Variants in COBLL1 observed in about 807,000 individuals in gnomAD.
The protein encoded by COBLL1 is cordon-bleu protein-like 1.
A neutral mutation model predicts 94.8 loss-of-function variants in COBLL1; 50 were observed. The ratio of observed to expected loss-of-function variants is 0.53; its 90% CI spans 0.42 to 0.67. The LOEUF is 0.67. Ranked by LOEUF, COBLL1 falls within the 30% of genes least tolerant of loss-of-function variation. The probability of loss-of-function intolerance (pLI) is 0.00; values close to 1 mark genes in which losing one functional copy is unlikely to be tolerated. For missense variants in COBLL1, 1,362 were observed against 1,348.7 expected (o/e 1.01, Z -0.15); for synonymous variants, 448 against 473.8 (o/e 0.95, Z 0.71).
At chr2:164,783,337 T>C (rs355901) in intron 2 of COBLL1, among the ~76,000 whole-genome samples, 104,414 of 152,098 alleles carry the variant, frequency 0.69, 37,626 homozygotes, top group African/African-American at 0.92. Context: ...CACTTGAGCC[T>C]GGGAGGTCAA....
chr2:164,719,314 A>C (rs1360966291), intron 7 of COBLL1, among the ~76,000 whole-genome samples: 1 of 152,226 alleles, frequency 6.6e-6, no homozygotes, highest in Non-Finnish European at 1.5e-5. Context: ...CTGTGAATTC[A>C]AATTGCAACT....
intron 7 of COBLL1, among the ~76,000 whole-genome samples, chr2:164,709,580 T>C (rs1013139850): frequency 9.2e-5 from 14 of 152,092 alleles, no homozygotes; most frequent in African/African-American, 3.4e-4. Flanking sequence ...TAGCCGGGTA[T>C]GGTGGTGTGT....
chr2:164,726,619 TTGTGTTAA>T (rs1387002888), intron 5 of COBLL1, among the ~76,000 whole-genome samples: 2 of 152,168 alleles, frequency 1.3e-5, no homozygotes, highest in African/African-American at 4.8e-5. Flanking sequence ...TATTCACCTA[TTGTGTTAA>T]ACACACTTAT....
At chr2:164,788,904 G>A (rs1324401584) in intron 2 of COBLL1, among the ~76,000 whole-genome samples, 1 of 151,946 alleles carries the variant, frequency 6.6e-6, no homozygotes, top group Non-Finnish European at 1.5e-5. Flanking sequence ...GTAGAAAAGG[G>A]TTAGTTGGAA....
chr2:164,834,751 G>A (rs1683241131), intron 2 of COBLL1, among the ~76,000 whole-genome samples: 1 of 152,148 alleles, frequency 6.6e-6, no homozygotes, highest in South Asian at 2.1e-4. Flanking sequence ...GTGGCTGTTT[G>A]CCAGTAAAAC....
intron 11 of COBLL1, 70 bp downstream of exon 11, chr2:164,699,333 TAA>T: frequency 1.1e-6 from 1 of 932,714 alleles, no homozygotes; most frequent in Non-Finnish European, 1.8e-6. Context: ...TTAATACATA[TAA>T]AGTGTTAAGA....
At chr2:164,672,526 G>A (rs1256739943) in intron 1 of COBLL1, among the ~76,000 whole-genome samples, 1 of 151,018 alleles carries the variant, frequency 6.6e-6, no homozygotes, top group African/African-American at 2.4e-5. Flanking sequence ...GTGAAACCCC[G>A]TCTCTACCAA....
rs575656429 is a variant in COBLL1, at chr2:164,755,725, T to C, written c.42-11850A>G. Among the ~76,000 whole-genome samples, 14 of 152,338 alleles carry C rather than the reference T, an allele frequency of 9.2e-5. No homozygotes were observed. The South Asian group carries it at 2.1e-3, about 23-fold the overall frequency. ...ATGACAGGATTCTTTAAATTTAATT[T>C]AGCTCGCAACTCAAAAGCTGTTATT... is the stretch of plus-strand genomic sequence containing the variant. On this transcript the variant is annotated intron_variant, in intron 2 of 13. Coordinates refer to ENST00000652658, the MANE Select transcript of COBLL1 (RefSeq NM_001365672.2).
At chr2:164,727,536 A>C (rs1202056712) in intron 5 of COBLL1, among the ~76,000 whole-genome samples, 1 of 152,056 alleles carries the variant, frequency 6.6e-6, no homozygotes, top group Non-Finnish European at 1.5e-5. Flanking sequence ...ATTTGGCAAG[A>C]AACTTCCAAA....
Position 164,722,132 on chromosome 2 carries a change from G to A in COBLL1, c.939C>T (p.Ile313=). 3.1e-6 allele frequency: 5 copies of A among 1,613,958 alleles called. No homozygotes were observed. The highest frequency in any genetic ancestry group is 4.2e-6 in the Non-Finnish European group (5 of 1,179,916). ...SQSVPQDLAH[I]QERPASCIVK... ...CTATACAAGAAGCAGGCCTCTCCTG[G>A]ATGTGTGCAAGGTCTTGGGGGACAC... Residue 313 remains isoleucine, a synonymous_variant, in exon 7 of 14, where the codon ATC becomes ATT. Coordinates refer to ENST00000652658, the MANE Select transcript of COBLL1 (RefSeq NM_001365672.2).
At position 164,713,913 on chromosome 2, in the gene COBLL1, A is replaced by G. The variant is rs556065527; in HGVS notation, c.996+8162T>C. Among the ~76,000 whole-genome samples the G allele has an allele frequency of 2.6e-5, 4 of 152,312 alleles. 1 individual carries two copies. Among genetic ancestry groups the G allele is most frequent in the Admixed American group, 2.6e-4 (4 of 15,280 alleles). ...ATCTGTTAGAGGCCAATTTTAAAAA[A>G]TAGCAAAATAGCATAATTTTGTAAT... On this transcript the variant is annotated intron_variant, in intron 7 of 13. Coordinates refer to ENST00000652658, the MANE Select transcript of COBLL1 (RefSeq NM_001365672.2).
chr2:164,796,569 A>G (rs2123923), intron 2 of COBLL1, among the ~76,000 whole-genome samples: 2 of 151,950 alleles, frequency 1.3e-5, no homozygotes, highest in African/African-American at 4.8e-5. Flanking sequence ...CGAACTTTCT[A>G]CAATGAATAT....
In COBLL1 at chr2:164,700,612, T is replaced by C. The variant is rs1428183983; in HGVS notation, c.1370A>G (p.Asn457Ser). 6.2e-7 allele frequency: 1 copy of C among 1,613,306 alleles called. No individual in the cohort carries two copies. Among genetic ancestry groups the C allele is most frequent in the Admixed American group, 1.7e-5 (1 of 60,000 alleles). ...VSTDIINTLK[N>S]DPDSALGNGS... is the part of the protein sequence containing the mutation. ...ATTGCCAAGGGCTGAGTCAGGATCATTTTTCAGTGTATTTATTATATCAGT... is the reference window on the plus strand; with the variant it reads ...ATTGCCAAGGGCTGAGTCAGGATCACTTTTCAGTGTATTTATTATATCAGT... Residue 457 changes from asparagine (N) to serine (S), a missense_variant, in exon 10 of 14, where the codon AAT becomes AGT. By Grantham distance (46) the Asn-to-Ser change is conservative. Coordinates refer to ENST00000652658, the MANE Select transcript of COBLL1 (RefSeq NM_001365672.2).
intron 10 of COBLL1, among the ~76,000 whole-genome samples, chr2:164,699,786 T>C (rs1684156362): frequency 6.6e-6 from 1 of 152,118 alleles, no homozygotes; most frequent in Non-Finnish European, 1.5e-5. Context: ...TTTATTTTGC[T>C]ATTATCATTT....
downstream of COBLL1, among the ~76,000 whole-genome samples, chr2:164,675,608 G>A (rs770316494): frequency 9.9e-5 from 15 of 152,190 alleles, no homozygotes; most frequent in East Asian, 1.9e-4. Flanking sequence ...AAATGAGGAC[G>A]GGACAAAAAG....
chr2:164,722,406 A>C lies in COBLL1; in HGVS notation c.759+19T>G. The C allele has an allele frequency of 3.4e-6, 5 of 1,492,414 alleles. No individual in the cohort carries two copies. The East Asian group carries it at 1.1e-4, about 34-fold the overall frequency. The allele number at this position is 1,492,414 out of a possible 1,614,324, so 92.4% of individuals were successfully genotyped here. ...ATAATTGAAGAATCTTACAAAATGCAATATAAGAAAATACTTACTTGGTCT... is the reference window on the plus strand; with the variant it reads ...ATAATTGAAGAATCTTACAAAATGCCATATAAGAAAATACTTACTTGGTCT... On this transcript the variant is annotated intron_variant, in intron 6 of 13. Transcript: ENST00000652658.
chr2:164,668,683 A>G (rs1336059544), intron 1 of COBLL1, among the ~76,000 whole-genome samples: 1 of 152,238 alleles, frequency 6.6e-6, no homozygotes, highest in Non-Finnish European at 1.5e-5. Context: ...GTATGCCTGT[A>G]TATTTAGTGC....
At chr2:164,658,620 A>G (rs1028503017) in intron 2 of COBLL1, among the ~76,000 whole-genome samples, 4 of 152,180 alleles carry the variant, frequency 2.6e-5, no homozygotes, top group Non-Finnish European at 5.9e-5. Context: ...GATAGTTTTG[A>G]AAAGGCCTGG....
rs2105433535 is a variant in COBLL1 at position 164,695,892 on chromosome 2, T to A, written c.1556-56A>T. On this transcript the variant is annotated intron_variant, in intron 11 of 13. Transcript: ENST00000652658. Reference sequence around the variant, plus strand: ...ATGAAAGAAGTAGAAAACCTCAAGTTTTTAATGCCTACTTTCTCCAACCTG... The same window carrying A: ...ATGAAAGAAGTAGAAAACCTCAAGTATTTAATGCCTACTTTCTCCAACCTG... 5.2e-6 allele frequency: 7 copies of A among 1,345,090 alleles called. No individual in the cohort carries two copies. The South Asian group carries it at 5.8e-5, about 11-fold the overall frequency. 83.3% of individuals were successfully genotyped at this position (1,345,090 alleles called of 1,614,324 possible).
Sources: allele counts gnomAD v4.1 joint callset (sites outside exome capture counted in the v4.1 genomes callset), GRCh38; gene constraint gnomAD v4.1.1; transcripts MANE v1.5; gene names NCBI Gene and HGNC (gene_info 2026-07-23, HGNC 2026-07-21).